Variants in GRIN2A observed in about 807,000 individuals in gnomAD.
GRIN2A encodes glutamate receptor ionotropic, NMDA 2A.
Under a neutral mutation model 113.4 loss-of-function variants are expected in GRIN2A, and 22 were observed. The ratio of observed to expected loss-of-function variants is 0.19; its 90% CI spans 0.14 to 0.28. GRIN2A has a LOEUF of 0.28. GRIN2A is among the 10% of genes least tolerant of loss of function. GRIN2A has a pLI of 1.00. For missense variants in GRIN2A, 1,502 were observed against 1,887.0 expected (o/e 0.80, Z 3.78); for synonymous variants, 827 against 738.4 (o/e 1.12, Z -1.94).
At chr16:9,990,590 C>T (rs1346085166) in intron 2 of GRIN2A, among the ~76,000 whole-genome samples, 1 of 149,886 alleles carries the variant, frequency 6.7e-6, no homozygotes, top group African/African-American at 2.4e-5. Context: ...CACACACACA[C>T]ACACACACGG....
rs1900380819 is a variant in GRIN2A, at chr16:9,757,195, G to C, written c.*5954C>G. The C allele has an allele frequency of 4.6e-6, 1 of 219,118 alleles. No individual in the cohort carries two copies. Among genetic ancestry groups the C allele is most frequent in the Admixed American group, 5.8e-5 (1 of 17,322 alleles). The allele number at this position is 219,118 out of a possible 1,614,324, so 13.6% of individuals were successfully genotyped here. A position where few individuals can be genotyped will look rare whatever the true frequency, so the allele number is the denominator to read the frequency against. The stretch of plus-strand genomic sequence containing the variant: ...AGGACTGGAGAACTGGTTGGAACCA[G>C]ACAAAAGCCTTCCTGTGCAAAAATG... On this transcript the variant is annotated 3_prime_UTR_variant, in exon 13 of 13. Coordinates refer to ENST00000330684, the MANE Select transcript of GRIN2A (RefSeq NM_001134407.3).
At chr16:10,113,649 T>C (rs559856089) in intron 2 of GRIN2A, among the ~76,000 whole-genome samples, 1 of 152,356 alleles carries the variant, frequency 6.6e-6, no homozygotes, top group African/African-American at 2.4e-5. Context: ...CACTACTGCA[T>C]GTATAAATTG....
chr16:10,176,592 C>T (rs1032990558), intron 2 of GRIN2A, among the ~76,000 whole-genome samples: 22 of 150,954 alleles, frequency 1.5e-4, no homozygotes, highest in Admixed American at 2.7e-4. Context: ...AGCAAACTAA[C>T]GCAAGGACAA....
At chr16:9,881,615 T>G (rs992995303) in intron 4 of GRIN2A, among the ~76,000 whole-genome samples, 1 of 152,152 alleles carries the variant, frequency 6.6e-6, no homozygotes, top group African/African-American at 2.4e-5. Flanking sequence ...TGCTCCTCAT[T>G]TGGGGAAGTT....
Position 9,891,054 on chromosome 16 carries a change from C to T in GRIN2A, c.1054G>A (p.Glu352Lys). ...CTGGGGTGCACCTGGTAGCCTTCCT[C>T]AGTGAAGGATAAGTCTTTGCCATCC... is the stretch of plus-strand genomic sequence containing the variant. Reference protein sequence around the residue: ...TWDGKDLSFTEEGYQVHPRLV... With the variant: ...TWDGKDLSFTKEGYQVHPRLV... The change falls in exon 4 of 13, where the codon GAG (glutamate) becomes AAG (lysine). Residue 352 changes from glutamate (E) to lysine (K), a missense_variant. By Grantham distance (56) the Glu-to-Lys change is moderately conservative. Around this residue, in one of 7 missense-constraint regions of GRIN2A, gnomAD observed 334 missense variants for 403.0 expected, o/e 0.83. Transcript: ENST00000330684. 1 of 1,613,358 alleles carries T rather than the reference C, an allele frequency of 6.2e-7. No homozygotes were observed. Among genetic ancestry groups the T allele is most frequent in the Non-Finnish European group, 8.5e-7 (1 of 1,179,320 alleles).
At chr16:10,010,624 C>G (rs1455437998) in intron 2 of GRIN2A, among the ~76,000 whole-genome samples, 1 of 152,044 alleles carries the variant, frequency 6.6e-6, no homozygotes, top group African/African-American at 2.4e-5. Context: ...TAAATGCTTC[C>G]CACCGTTATT....
intron 2 of GRIN2A, among the ~76,000 whole-genome samples, chr16:10,089,602 C>T (rs1054197612): frequency 6.6e-6 from 1 of 151,884 alleles, no homozygotes; most frequent in Non-Finnish European, 1.5e-5. Context: ...TGCTTCTTTC[C>T]GGGAGGGTTG....
chr16:10,180,753 G>A lies in GRIN2A; in HGVS notation c.-18-324C>T. ...ACCGCATTCCCCAAGTTCGCCGCGG[G>A]CCACAGACCCTAAGCGCCGCGCGTG... On this transcript the variant is annotated intron_variant, in intron 1 of 12. Coordinates refer to ENST00000330684, the MANE Select transcript of GRIN2A (RefSeq NM_001134407.3). This position sits in a 1 kb window ranked among gnomAD's most constrained non-coding sequence, Gnocchi z 7.0. The A allele has an allele frequency of 2.1e-6, 1 of 476,224 alleles. No homozygotes were observed. Among genetic ancestry groups the A allele is most frequent in the Non-Finnish European group, 3.9e-6 (1 of 258,508 alleles). The allele number at this position is 476,224 out of a possible 1,614,324, so 29.5% of individuals were successfully genotyped here.
At chr16:10,140,978 G>C (rs560620770) in intron 2 of GRIN2A, among the ~76,000 whole-genome samples, 4 of 152,200 alleles carry the variant, frequency 2.6e-5, no homozygotes, top group African/African-American at 9.6e-5. Context: ...AGGACTGCTT[G>C]AGCCCAGGAG....
At chr16:10,146,450 T>C (rs1246870892) in intron 2 of GRIN2A, among the ~76,000 whole-genome samples, 2 of 152,064 alleles carry the variant, frequency 1.3e-5, no homozygotes, top group African/African-American at 2.4e-5. Context: ...GAGGTCATGT[T>C]TGCATCAGAG....
intron 2 of GRIN2A, among the ~76,000 whole-genome samples, chr16:10,126,169 A>T (rs551259253): frequency 0.19 from 26,004 of 138,920 alleles, 2,334 homozygotes; most frequent in Admixed American, 0.22. Context: ...ATATATATAT[A>T]TATTTTTTTT....
intron 2 of GRIN2A, among the ~76,000 whole-genome samples, chr16:10,019,638 G>A (rs1347211954): frequency 6.6e-6 from 1 of 152,222 alleles, no homozygotes; most frequent in East Asian, 1.9e-4. Flanking sequence ...TACCCCCAAT[G>A]CCTCTTTACT....
rs1596365767 is a variant in GRIN2A, at chr16:9,754,110, C to T, written c.*9039G>A. The T allele has an allele frequency of 5.4e-6, 1 of 185,354 alleles. No individual in the cohort carries two copies. The highest frequency in any genetic ancestry group is 8.7e-5 in the East Asian group (1 of 11,430). 11.5% of individuals were successfully genotyped at this position (185,354 alleles called of 1,614,324 possible). A position where few individuals can be genotyped will look rare whatever the true frequency, so the allele number is the denominator to read the frequency against. ...TATGATCTAATTCTTATTCAAGCTA[C>T]CAAGAAACTCACCTTATTCTTTCTG... On this transcript the variant is annotated 3_prime_UTR_variant, in exon 13 of 13. Coordinates refer to ENST00000330684, the MANE Select transcript of GRIN2A (RefSeq NM_001134407.3).
intron 12 of GRIN2A, among the ~76,000 whole-genome samples, chr16:9,766,109 C>T (rs1277536063): frequency 6.6e-6 from 1 of 152,200 alleles, no homozygotes; most frequent in Non-Finnish European, 1.5e-5. Context: ...GCCGTACCTA[C>T]AGGAAACAGT....
At chr16:10,074,015 C>T (rs79225924) in intron 2 of GRIN2A, among the ~76,000 whole-genome samples, 2,157 of 151,258 alleles carry the variant, frequency 0.014, 26 homozygotes, top group South Asian at 0.064. Flanking sequence ...ACATAGAGAA[C>T]ACTCACAACT....
intron 2 of GRIN2A, among the ~76,000 whole-genome samples, chr16:10,129,177 G>C (rs935285398): frequency 1.3e-5 from 2 of 152,084 alleles, no homozygotes; most frequent in Non-Finnish European, 2.9e-5. Flanking sequence ...CTGGGCTCAA[G>C]TGATCGTCCT....
intron 2 of GRIN2A, among the ~76,000 whole-genome samples, chr16:10,084,012 G>A (rs1048069779): frequency 2.0e-5 from 3 of 152,100 alleles, no homozygotes; most frequent in Non-Finnish European, 2.9e-5. Context: ...GAAGAAGGAG[G>A]GTCGCCTGGA....
intron 2 of GRIN2A, among the ~76,000 whole-genome samples, chr16:10,025,566 T>G (rs2046804919): frequency 6.6e-6 from 1 of 152,032 alleles, no homozygotes; most frequent in African/African-American, 2.4e-5. Context: ...CCTCCCTAAG[T>G]GCTGGAATTA....
At chr16:9,938,692 C>G in intron 2 of GRIN2A, 141 bp from the exon 3 acceptor site, 1 of 691,860 alleles carries the variant, frequency 1.4e-6, no homozygotes, top group South Asian at 1.6e-5. Context: ...ATATCCCAGA[C>G]TCCAGAACAG....
Sources: gnomAD v4.1 joint callset for allele counts (sites outside exome capture counted in the v4.1 genomes callset) on GRCh38, gnomAD v4.1.1 for gene constraint, gnomAD v4.1.1 regional missense constraint, Gnocchi (gnomAD v3.1) non-coding constraint, MANE v1.5 for transcripts, NCBI Gene and HGNC (gene_info 2026-07-23, HGNC 2026-07-21) for gene names.